The following RDX variants were observed in gnomAD, a reference collection of about 807,000 sequenced individuals.
The protein encoded by RDX is deafness, autosomal recessive 24.
In RDX, 32 loss-of-function variants were observed where a neutral mutation model predicts 83.7. That is an observed-to-expected ratio of 0.38 (90% CI 0.29 to 0.51). The LOEUF (loss-of-function observed/expected upper bound fraction) is 0.51, where lower values mean the gene tolerates loss of function less well. RDX is among the 20% of genes least tolerant of loss of function. The probability of loss-of-function intolerance (pLI) is 0.87; values close to 1 mark genes in which losing one functional copy is unlikely to be tolerated. For missense variants in RDX, 600 were observed against 689.9 expected (o/e 0.87, Z 1.46); for synonymous variants, 229 against 222.7 (o/e 1.03, Z -0.25).
At chr11:110,254,501 G>C (rs372028610) in intron 8 of RDX, among the ~76,000 whole-genome samples, 7 of 149,680 alleles carry the variant, frequency 4.7e-5, no homozygotes, top group African/African-American at 1.7e-4. Flanking sequence ...TTTTTGAGAC[G>C]GAGTCTTGCT....
At chr11:110,185,620 C>T (rs1488484321) in intron 15 of RDX, 1 of 152,202 alleles carries the variant, frequency 6.6e-6, no homozygotes, top group East Asian at 1.9e-4. Flanking sequence ...GAACCACGGG[C>T]TAAATCCATT....
chr11:110,244,716 G>A (rs1865239801), intron 10 of RDX, among the ~76,000 whole-genome samples: 1 of 152,140 alleles, frequency 6.6e-6, no homozygotes, highest in Non-Finnish European at 1.5e-5. Flanking sequence ...ATTACATGGT[G>A]TGTAAATTAT....
rs531637153 is a variant in RDX, at chr11:110,254,508, T to C, written c.796-399A>G. Among the ~76,000 whole-genome samples, 364 of 151,984 alleles carry C rather than the reference T, an allele frequency of 2.4e-3. 2 individuals are homozygous for C. Among genetic ancestry groups the C allele is most frequent in the Non-Finnish European group, 4.0e-3 (275 of 67,946 alleles). ...CTTTTTTTTTTTTGAGACGGAGTCTTGCTGTCATCCAGGCTGGAGTGCAGT... is the reference window on the plus strand; with the variant it reads ...CTTTTTTTTTTTTGAGACGGAGTCTCGCTGTCATCCAGGCTGGAGTGCAGT... On this transcript the variant is annotated intron_variant, in intron 8 of 13. Transcript: ENST00000645495.
chr11:110,182,130 TCTC>T (rs1565279041), intron 15 of RDX, among the ~76,000 whole-genome samples: 1 of 152,144 alleles, frequency 6.6e-6, no homozygotes, highest in Non-Finnish European at 1.5e-5. Flanking sequence ...ATTCTACCCT[TCTC>T]CTCTGAGCTC....
intron 9 of RDX, among the ~76,000 whole-genome samples, chr11:110,252,040 C>T (rs1178433190): frequency 6.6e-6 from 1 of 152,192 alleles, no homozygotes; most frequent in Non-Finnish European, 1.5e-5. Flanking sequence ...TGCCATTTCT[C>T]TCTCTCTGAC....
intron 14 of RDX, among the ~76,000 whole-genome samples, chr11:110,215,396 AT>A (rs1233940829): frequency 3.3e-5 from 5 of 150,270 alleles, no homozygotes; most frequent in African/African-American, 1.2e-4. Context: ...AAATAAATAA[AT>A]AAATAAATAA....
chr11:110,222,365 T>C (rs190775683), intron 14 of RDX, among the ~76,000 whole-genome samples: 1 of 152,362 alleles, frequency 6.6e-6, no homozygotes, highest in East Asian at 1.9e-4. Context: ...CCCAAATTCA[T>C]TTTAAATATC....
intron 1 of RDX, chr11:110,287,005 G>C (rs1861008481): frequency 6.6e-6 from 1 of 152,176 alleles, no homozygotes; most frequent in South Asian, 2.1e-4. Context: ...CAAACCTTGA[G>C]TAATATATAT....
At chr11:110,273,571 G>A (rs746623051) in intron 2 of RDX, among the ~76,000 whole-genome samples, 3 of 152,162 alleles carry the variant, frequency 2.0e-5, no homozygotes, top group African/African-American at 7.2e-5. Flanking sequence ...TGTGCCGCCA[G>A]GCCTAGCTCC....
intron 1 of RDX, among the ~76,000 whole-genome samples, chr11:110,280,390 C>T (rs1353397211): frequency 1.3e-5 from 2 of 152,236 alleles, no homozygotes; most frequent in Admixed American, 6.5e-5. Context: ...ATCATGAGCA[C>T]GTGCCAACAT....
At chr11:110,290,223 C>T (rs909245036) in intron 1 of RDX, among the ~76,000 whole-genome samples, 1 of 152,082 alleles carries the variant, frequency 6.6e-6, no homozygotes, top group African/African-American at 2.4e-5. Flanking sequence ...AACTTATACA[C>T]ACTACTGTGA....
At chr11:110,287,723 T>C (rs1056638247) in intron 1 of RDX, among the ~76,000 whole-genome samples, 6 of 152,188 alleles carry the variant, frequency 3.9e-5, no homozygotes, top group African/African-American at 1.4e-4. Flanking sequence ...CTCTCCACTC[T>C]GCCTACACTT....
chr11:110,293,398 G>C (rs903891949), intron 1 of RDX, among the ~76,000 whole-genome samples: 4 of 151,726 alleles, frequency 2.6e-5, no homozygotes, highest in African/African-American at 9.7e-5. Context: ...TTTTTAAATG[G>C]CTTAAGCTAT....
intron 5 of RDX, among the ~76,000 whole-genome samples, chr11:110,263,710 A>T (rs1859895901): frequency 6.7e-6 from 1 of 149,110 alleles, no homozygotes; most frequent in Non-Finnish European, 1.5e-5. Flanking sequence ...AAAATACATT[A>T]AAAAAAAAAT....
intron 4 of RDX, 113 bp from the exon 5 acceptor site, chr11:110,264,347 A>G (rs892091598): frequency 1.0e-4 from 79 of 755,260 alleles, no homozygotes; most frequent in Non-Finnish European, 1.2e-4. Context: ...TTCTAAATCT[A>G]TGAAGATTTT....
At chr11:110,292,743 A>C (rs1861297064) in intron 1 of RDX, among the ~76,000 whole-genome samples, 1 of 152,218 alleles carries the variant, frequency 6.6e-6, no homozygotes, top group Admixed American at 6.5e-5. Context: ...TAATAGCTTT[A>C]TAAATTCTAT....
chr11:110,219,920 A>C (rs1864187683), intron 14 of RDX, among the ~76,000 whole-genome samples: 1 of 152,230 alleles, frequency 6.6e-6, no homozygotes, highest in Admixed American at 6.5e-5. Context: ...AAGGTCACTA[A>C]GAGATCCAAA....
intron 14 of RDX, among the ~76,000 whole-genome samples, chr11:110,209,316 G>T (rs1343508992): frequency 6.6e-6 from 1 of 151,104 alleles, no homozygotes; most frequent in Non-Finnish European, 1.5e-5. Context: ...GATTATATCC[G>T]GCACCTGGCT....
At chr11:110,236,695 A>T (rs1043312345) in intron 11 of RDX, 2 of 159,460 alleles carry the variant, frequency 1.3e-5, no homozygotes, top group African/African-American at 4.9e-5. Flanking sequence ...ATCTCAGCTC[A>T]CCGCAACCTC....
Sources: gnomAD v4.1 joint callset for allele counts (sites outside exome capture counted in the v4.1 genomes callset) on GRCh38, gnomAD v4.1.1 for gene constraint, MANE v1.5 for transcripts, NCBI Gene and HGNC (gene_info 2026-07-23, HGNC 2026-07-21) for gene names.